Variants in STXBP5L observed in about 807,000 individuals in gnomAD.
STXBP5L encodes syntaxin-binding protein 5-like.
Under a neutral mutation model 144.5 loss-of-function variants are expected in STXBP5L, and 65 were observed. That is an observed-to-expected ratio of 0.45 (90% confidence interval 0.37 to 0.55). The LOEUF (loss-of-function observed/expected upper bound fraction) is 0.55. Ranked by LOEUF, STXBP5L falls within the 20% of genes least tolerant of loss-of-function variation. The pLI, the probability that STXBP5L is intolerant of heterozygous loss-of-function variation, is 0.00. For missense variants in STXBP5L, 1,298 were observed against 1,405.5 expected (o/e 0.92, Z 1.22); for synonymous variants, 505 against 469.6 (o/e 1.08, Z -0.97).
chr3:121,376,222 T>G (rs185813474), intron 20 of STXBP5L, among the ~76,000 whole-genome samples: 1 of 152,352 alleles, frequency 6.6e-6, no homozygotes, highest in East Asian at 1.9e-4. Context: ...CATGAAGATT[T>G]CAGTAATCTA....
chr3:121,092,734 T>C (rs2042881622), intron 5 of STXBP5L, among the ~76,000 whole-genome samples: 1 of 152,214 alleles, frequency 6.6e-6, no homozygotes, highest in South Asian at 2.1e-4. Flanking sequence ...CAATTTGACT[T>C]TCTCTTTTCC....
At chr3:121,115,258 A>G (rs2044182828) in intron 6 of STXBP5L, among the ~76,000 whole-genome samples, 199 bp downstream of exon 6, 1 of 152,196 alleles carries the variant, frequency 6.6e-6, no homozygotes. Flanking sequence ...CAAATACCAT[A>G]AATAATTAAG....
At chr3:120,979,927 T>C (rs965188977) in intron 3 of STXBP5L, among the ~76,000 whole-genome samples, 1 of 152,190 alleles carries the variant, frequency 6.6e-6, no homozygotes, top group African/African-American at 2.4e-5. Context: ...TGTGTTTCTG[T>C]TTTCATTTGT....
intron 20 of STXBP5L, among the ~76,000 whole-genome samples, chr3:121,355,273 G>T (rs1293013685): frequency 6.6e-6 from 1 of 152,140 alleles, no homozygotes; most frequent in East Asian, 1.9e-4. Flanking sequence ...ATAATATCCT[G>T]CAGAGTGTTT....
chr3:121,084,366 T>C (rs1290234872), intron 5 of STXBP5L, among the ~76,000 whole-genome samples: 1 of 152,094 alleles, frequency 6.6e-6, no homozygotes, highest in Non-Finnish European at 1.5e-5. Context: ...CCTCCCCGCC[T>C]ACCCTCAACA....
At chr3:121,397,646 G>A (rs537847987) in intron 22 of STXBP5L, among the ~76,000 whole-genome samples, 1 of 152,054 alleles carries the variant, frequency 6.6e-6, no homozygotes, top group Admixed American at 6.6e-5. Flanking sequence ...CCATACCAGG[G>A]ACATACCCCA....
intron 7 of STXBP5L, among the ~76,000 whole-genome samples, chr3:121,129,822 T>C (rs2044888613): frequency 6.6e-6 from 1 of 152,012 alleles, no homozygotes; most frequent in African/African-American, 2.4e-5. Context: ...TTATAACTCA[T>C]AAGATTCATG....
intron 3 of STXBP5L, among the ~76,000 whole-genome samples, chr3:121,027,556 G>A (rs777233545): frequency 6.6e-6 from 1 of 152,050 alleles, no homozygotes; most frequent in South Asian, 2.1e-4. Flanking sequence ...TTGGCTCTTG[G>A]CCCCTTTCCA....
At chr3:121,068,111 G>A (rs946262375) in intron 5 of STXBP5L, among the ~76,000 whole-genome samples, 3 of 152,250 alleles carry the variant, frequency 2.0e-5, no homozygotes, top group Admixed American at 1.3e-4. Flanking sequence ...CTGGGTTCAA[G>A]TGATACTCCT....
chr3:120,985,753 A>G (rs890265506), intron 3 of STXBP5L, among the ~76,000 whole-genome samples: 2 of 151,826 alleles, frequency 1.3e-5, no homozygotes, highest in African/African-American at 4.8e-5. Context: ...TTTCTGTATA[A>G]TGAGTAGTAA....
intron 5 of STXBP5L, among the ~76,000 whole-genome samples, chr3:121,090,966 C>A (rs1410332506): frequency 7.8e-6 from 1 of 128,694 alleles, no homozygotes; most frequent in Non-Finnish European, 1.6e-5. Context: ...ATGTGATGTT[C>A]CCCTTCCTGT....
At chr3:121,359,068 C>T (rs946448653) in intron 20 of STXBP5L, among the ~76,000 whole-genome samples, 1 of 152,080 alleles carries the variant, frequency 6.6e-6, no homozygotes, top group Non-Finnish European at 1.5e-5. Flanking sequence ...TTCATATTCC[C>T]ACCAACAGTG....
chr3:121,186,136 C>T (rs1202234458), intron 9 of STXBP5L, among the ~76,000 whole-genome samples: 5 of 152,072 alleles, frequency 3.3e-5, no homozygotes, highest in Non-Finnish European at 5.9e-5. Flanking sequence ...GTGATTTTTG[C>T]ACATCGATTT....
chr3:121,302,506 A>C (rs2051958564), intron 19 of STXBP5L, among the ~76,000 whole-genome samples: 1 of 152,020 alleles, frequency 6.6e-6, no homozygotes, highest in Non-Finnish European at 1.5e-5. Flanking sequence ...TCTTGGATTC[A>C]CTGATTTTTT....
intron 2 of STXBP5L, among the ~76,000 whole-genome samples, chr3:120,919,265 A>T (rs1422520493): frequency 6.6e-6 from 1 of 152,100 alleles, no homozygotes; most frequent in Non-Finnish European, 1.5e-5. Context: ...TTTGATAAGG[A>T]TTCACTCTAC....
intron 20 of STXBP5L, among the ~76,000 whole-genome samples, chr3:121,372,488 T>G (rs532175730): frequency 6.6e-6 from 1 of 152,266 alleles, no homozygotes; most frequent in South Asian, 2.1e-4. Flanking sequence ...AGATGTCCAT[T>G]GTGGCTAAGG....
intron 3 of STXBP5L, among the ~76,000 whole-genome samples, chr3:120,959,555 T>C (rs1408097147): frequency 6.6e-6 from 1 of 152,096 alleles, no homozygotes; most frequent in Admixed American, 6.6e-5. Flanking sequence ...AAAACAGAGA[T>C]ATAGACCAAT....
At chr3:120,944,525 G>C (rs550486233) in intron 2 of STXBP5L, among the ~76,000 whole-genome samples, 14 of 151,658 alleles carry the variant, frequency 9.2e-5, no homozygotes, top group Non-Finnish European at 1.6e-4. Context: ...GTGGATTAGT[G>C]CTTTATTCTT....
intron 20 of STXBP5L, among the ~76,000 whole-genome samples, chr3:121,354,436 T>C (rs2045423193): frequency 6.6e-6 from 1 of 151,974 alleles, no homozygotes; most frequent in Non-Finnish European, 1.5e-5. Context: ...CATTATGTAA[T>C]GGTCTTCTTT....
Sources: gnomAD v4.1 joint callset for allele counts (sites outside exome capture counted in the v4.1 genomes callset) on GRCh38, gnomAD v4.1.1 for gene constraint, MANE v1.5 for transcripts, NCBI Gene and HGNC (gene_info 2026-07-23, HGNC 2026-07-21) for gene names.